RPS6KC1: variants seen among roughly 807,000 people sequenced by gnomAD.
RPS6KC1 encodes the protein ribosomal protein S6 kinase C1, also known as inactive ribosomal protein S6 kinase delta-1.
A neutral mutation model predicts 103.8 loss-of-function variants in RPS6KC1; 54 were observed. The observed-to-expected ratio is 0.52, with a 90% CI of 0.42 to 0.65. The LOEUF is 0.65. Ranked by LOEUF, RPS6KC1 falls within the 30% of genes least tolerant of loss-of-function variation. The pLI is 0.00. For synonymous variants in RPS6KC1, 439 were observed against 438.7 expected (o/e 1.00, Z -0.01); for missense variants, 1,151 against 1,253.8 (o/e 0.92, Z 1.24).
chr1:213,065,490 AATT>A (rs1376401864), intron 1 of RPS6KC1, among the ~76,000 whole-genome samples: 1 of 152,242 alleles, frequency 6.6e-6, no homozygotes, highest in Non-Finnish European at 1.5e-5. Context: ...CACGGAAGAT[AATT>A]ACACAGAAAG....
chr1:213,724,338 C>T, the RPS6KC1 span, among the ~76,000 whole-genome samples: 1 of 152,192 alleles, frequency 6.6e-6, no homozygotes, highest in Non-Finnish European at 1.5e-5. Flanking sequence ...TCTTGGCCTC[C>T]CAAAGTGTTG....
At chr1:213,266,247 A>G (rs902712642) in intron 14 of RPS6KC1, among the ~76,000 whole-genome samples, 8 of 152,268 alleles carry the variant, frequency 5.3e-5, no homozygotes, top group African/African-American at 1.9e-4. Flanking sequence ...GGCATATAAT[A>G]GGCAAACAAT....
the RPS6KC1 span, among the ~76,000 whole-genome samples, chr1:213,713,498 T>G: frequency 6.6e-6 from 1 of 152,244 alleles, no homozygotes; most frequent in Non-Finnish European, 1.5e-5. Context: ...CATTAGTAAA[T>G]GCTGTCATTC....
chr1:213,834,905 C>A, the RPS6KC1 span, among the ~76,000 whole-genome samples: 48 of 152,240 alleles, frequency 3.2e-4, no homozygotes, highest in East Asian at 9.1e-3. Context: ...GAAATCGCAG[C>A]CATCAAGACA....
intron 6 of RPS6KC1, among the ~76,000 whole-genome samples, chr1:213,157,646 A>C (rs1484645765): frequency 6.6e-6 from 1 of 152,170 alleles, no homozygotes; most frequent in Admixed American, 6.5e-5. Flanking sequence ...TGCTTATAAG[A>C]AGCATATATT....
the RPS6KC1 span, among the ~76,000 whole-genome samples, chr1:213,285,332 A>G: frequency 3.0e-5 from 2 of 67,028 alleles, no homozygotes; most frequent in Admixed American, 3.9e-4. Context: ...CCCATCTCCT[A>G]ATGCTGTCAT....
At chr1:213,376,336 TGTATTCAATAATTTGGATTTACTTA>T in the RPS6KC1 span, among the ~76,000 whole-genome samples, 3 of 152,184 alleles carry the variant, frequency 2.0e-5, no homozygotes, top group African/African-American at 7.2e-5. Context: ...ATTATTGCAT[TGTATTCAATAATTTGGATTTACTTA>T]GCAAATTCCC....
the RPS6KC1 span, among the ~76,000 whole-genome samples, chr1:213,718,499 A>G: frequency 0.99 from 150,626 of 152,360 alleles, 74,474 homozygotes; most frequent in East Asian, 1. Flanking sequence ...TGTATTATGG[A>G]ATACATGGTA....
At chr1:213,582,602 C>T in the RPS6KC1 span, among the ~76,000 whole-genome samples, 14 of 152,082 alleles carry the variant, frequency 9.2e-5, no homozygotes, top group Admixed American at 7.2e-4. Context: ...CGGGGCTTCT[C>T]GATTTTTAAA....
chr1:213,801,519 A>G, the RPS6KC1 span, among the ~76,000 whole-genome samples: 1 of 152,162 alleles, frequency 6.6e-6, no homozygotes, highest in Non-Finnish European at 1.5e-5. Context: ...CAATAAGAAT[A>G]ACATGTTTTA....
the RPS6KC1 span, among the ~76,000 whole-genome samples, chr1:213,669,369 C>T: frequency 6.6e-5 from 10 of 151,982 alleles, no homozygotes; most frequent in African/African-American, 2.4e-4. Flanking sequence ...AGGGGGGTGG[C>T]CAGTGGGCAG....
intron 4 of RPS6KC1, among the ~76,000 whole-genome samples, chr1:213,106,572 T>C (rs2082522212): frequency 6.6e-6 from 1 of 152,190 alleles, no homozygotes; most frequent in Admixed American, 6.5e-5. Context: ...ATGAAGGCTG[T>C]GGGGAAGGTT....
chr1:213,499,076 G>A, the RPS6KC1 span, among the ~76,000 whole-genome samples: 33 of 152,230 alleles, frequency 2.2e-4, no homozygotes, highest in South Asian at 5.6e-3. Context: ...CACCGTGCCC[G>A]GCCAGATTAA....
At chr1:213,499,555 G>A in the RPS6KC1 span, among the ~76,000 whole-genome samples, 1 of 152,180 alleles carries the variant, frequency 6.6e-6, no homozygotes, top group East Asian at 1.9e-4. Context: ...GTGCTCCTAT[G>A]AGACTCTCAT....
chr1:213,078,326 G>C (rs927505936), intron 3 of RPS6KC1, among the ~76,000 whole-genome samples: 5 of 146,488 alleles, frequency 3.4e-5, no homozygotes, highest in Admixed American at 2.8e-4. Flanking sequence ...TGTAGTTTCT[G>C]TCCCCTGTCT....
chr1:213,613,526 T>C, the RPS6KC1 span, among the ~76,000 whole-genome samples: 1 of 152,224 alleles, frequency 6.6e-6, no homozygotes, highest in Non-Finnish European at 1.5e-5. Flanking sequence ...GTCTACTTTA[T>C]AAAACACTAT....
At chr1:213,449,581 C>T in the RPS6KC1 span, among the ~76,000 whole-genome samples, 24 of 152,280 alleles carry the variant, frequency 1.6e-4, no homozygotes, top group African/African-American at 5.1e-4. Context: ...ACCTCTTTAA[C>T]GGCCATATCT....
the RPS6KC1 span, among the ~76,000 whole-genome samples, chr1:213,852,915 G>A: frequency 3.3e-5 from 5 of 152,190 alleles, no homozygotes; most frequent in African/African-American, 9.7e-5. Flanking sequence ...TGAGGGCATC[G>A]TAGTTTGTTG....
At chr1:213,763,769 C>T in the RPS6KC1 span, among the ~76,000 whole-genome samples, 1 of 152,204 alleles carries the variant, frequency 6.6e-6, no homozygotes, top group Non-Finnish European at 1.5e-5. Flanking sequence ...GTCTTAGGCT[C>T]CTTAGTGCTG....
Sources: gnomAD v4.1 joint callset for allele counts (sites outside exome capture counted in the v4.1 genomes callset) on GRCh38, gnomAD v4.1.1 for gene constraint, MANE v1.5 for transcripts, NCBI Gene and HGNC (gene_info 2026-07-23, HGNC 2026-07-21) for gene names.